Variants in ZNF385D observed in about 807,000 individuals in gnomAD.
The protein encoded by ZNF385D is zinc finger protein 659.
Under a neutral mutation model 35.8 loss-of-function variants are expected in ZNF385D, and 15 were observed. The observed-to-expected ratio is 0.42, with a 90% CI of 0.28 to 0.64. The LOEUF (loss-of-function observed/expected upper bound fraction) is 0.64, where lower values mean the gene tolerates loss of function less well. Among genes scored for constraint, ZNF385D ranks in the 30% least tolerant of loss-of-function variants. The pLI, the probability that ZNF385D is intolerant of heterozygous loss-of-function variation, is 0.23. For missense variants in ZNF385D, 474 were observed against 494.6 expected, an observed-to-expected ratio of 0.96 and a Z score of 0.39; for synonymous variants, 212 against 186.8, an observed-to-expected ratio of 1.13 and a Z score of -1.10.
At chr3:22,215,319 C>A (rs1406028126) in intron 2 of ZNF385D, among the ~76,000 whole-genome samples, 1 of 152,012 alleles carries the variant, frequency 6.6e-6, no homozygotes, top group African/African-American at 2.4e-5. Flanking sequence ...GTGAGCCAGG[C>A]AGAACAGAGC....
chr3:21,676,313 G>A (rs547981119), intron 1 of ZNF385D, among the ~76,000 whole-genome samples: 7 of 152,156 alleles, frequency 4.6e-5, no homozygotes, highest in South Asian at 4.1e-4. Context: ...CATTCCCTGC[G>A]GAGCTGACTT....
chr3:21,608,023 G>GTTTTTTTTGGTTTTTTT (rs2064543255), intron 2 of ZNF385D, among the ~76,000 whole-genome samples: 8 of 120,218 alleles, frequency 6.7e-5, no homozygotes, highest in Non-Finnish European at 1.2e-4. Flanking sequence ...TTTTTTTTTT[G>GTTTTTTTTGGTTTTTTT]TTTTTTTTTT....
At chr3:21,687,760 G>A (rs930562677) in intron 1 of ZNF385D, among the ~76,000 whole-genome samples, 1 of 152,006 alleles carries the variant, frequency 6.6e-6, no homozygotes, top group Admixed American at 6.6e-5. Flanking sequence ...AAATTCATAG[G>A]AAATAAATAT....
chr3:21,446,967 G>C (rs143408563), intron 4 of ZNF385D, among the ~76,000 whole-genome samples: 435 of 152,264 alleles, frequency 2.9e-3, no homozygotes, highest in African/African-American at 9.6e-3. Context: ...CTAAATTAGA[G>C]TTTGTATATT....
At chr3:22,334,417 A>T (rs941856561) in intron 2 of ZNF385D, among the ~76,000 whole-genome samples, 2 of 152,140 alleles carry the variant, frequency 1.3e-5, no homozygotes, top group Non-Finnish European at 2.9e-5. Flanking sequence ...TATATTTTTA[A>T]ATTCTGTGAT....
At chr3:22,052,934 G>A (rs1699347287) in intron 3 of ZNF385D, among the ~76,000 whole-genome samples, 1 of 59,948 alleles carries the variant, frequency 1.7e-5, no homozygotes, top group African/African-American at 6.5e-5. Context: ...AGTCTGCAGA[G>A]GTTACTGCTG....
chr3:21,608,959 T>C (rs1249463437), intron 2 of ZNF385D, among the ~76,000 whole-genome samples: 1 of 152,202 alleles, frequency 6.6e-6, no homozygotes, highest in Non-Finnish European at 1.5e-5. Context: ...ATGTTGTCAA[T>C]AATAAGTCAG....
intron 3 of ZNF385D, among the ~76,000 whole-genome samples, chr3:21,563,910 C>T (rs1439431793): frequency 6.6e-6 from 1 of 151,990 alleles, no homozygotes; most frequent in Non-Finnish European, 1.5e-5. Context: ...TGTGATGGAT[C>T]CAGAGTCCAC....
chr3:21,862,272 A>T (rs1697093611), intron 3 of ZNF385D, among the ~76,000 whole-genome samples: 1 of 151,398 alleles, frequency 6.6e-6, no homozygotes, highest in East Asian at 2.0e-4. Context: ...AATTCTAAGT[A>T]CTTGAGGCAG....
intron 3 of ZNF385D, among the ~76,000 whole-genome samples, chr3:21,891,015 A>G (rs1343616057): frequency 6.6e-6 from 1 of 152,202 alleles, no homozygotes; most frequent in Non-Finnish European, 1.5e-5. Flanking sequence ...AACTGGACTA[A>G]TACAGGTTTG....
intron 3 of ZNF385D, among the ~76,000 whole-genome samples, chr3:22,097,568 A>T (rs1701698968): frequency 6.6e-6 from 1 of 152,104 alleles, no homozygotes; most frequent in Non-Finnish European, 1.5e-5. Flanking sequence ...GAACATTGAA[A>T]GAGCAAAATG....
At chr3:21,627,557 A>G (rs1276078637) in intron 2 of ZNF385D, among the ~76,000 whole-genome samples, 1 of 152,100 alleles carries the variant, frequency 6.6e-6, no homozygotes, top group African/African-American at 2.4e-5. Context: ...CTGAAATTCT[A>G]TACTCCTCCT....
chr3:22,186,603 T>C (rs1305518485), intron 2 of ZNF385D, among the ~76,000 whole-genome samples: 1 of 152,014 alleles, frequency 6.6e-6, no homozygotes, highest in African/African-American at 2.4e-5. Flanking sequence ...CTGACTTTCC[T>C]TGTAAGTCTG....
intron 3 of ZNF385D, among the ~76,000 whole-genome samples, chr3:22,006,804 A>T (rs1696237781): frequency 6.6e-6 from 1 of 151,994 alleles, no homozygotes; most frequent in Non-Finnish European, 1.5e-5. Flanking sequence ...AAAACCAAAA[A>T]CTAAAAGGGA....
At chr3:22,156,195 C>G (rs888834239) in intron 3 of ZNF385D, among the ~76,000 whole-genome samples, 3 of 151,930 alleles carry the variant, frequency 2.0e-5, no homozygotes, top group African/African-American at 7.2e-5. Flanking sequence ...AAATTACCAC[C>G]ATATGAAGAC....
At chr3:21,427,276 T>C (rs1432676762) in intron 5 of ZNF385D, among the ~76,000 whole-genome samples, 1 of 152,218 alleles carries the variant, frequency 6.6e-6, no homozygotes, top group Non-Finnish European at 1.5e-5. Flanking sequence ...GATGATTTTA[T>C]ACAAAATGTT....
intron 2 of ZNF385D, among the ~76,000 whole-genome samples, chr3:21,617,180 A>G (rs1207590875): frequency 6.6e-6 from 1 of 152,176 alleles, no homozygotes; most frequent in African/African-American, 2.4e-5. Flanking sequence ...AAAGGTACAA[A>G]ATTTTCATTT....
intron 2 of ZNF385D, among the ~76,000 whole-genome samples, chr3:22,277,834 G>C (rs557318824): frequency 3.9e-4 from 59 of 152,080 alleles, no homozygotes; most frequent in Non-Finnish European, 7.2e-4. Flanking sequence ...CATGATGAAA[G>C]AGCGAGGATA....
intron 3 of ZNF385D, among the ~76,000 whole-genome samples, chr3:21,907,016 G>A (rs1699717150): frequency 6.6e-6 from 1 of 152,038 alleles, no homozygotes; most frequent in Admixed American, 6.6e-5. Flanking sequence ...CATCTACCCA[G>A]GATCCATGTC....
Sources: gnomAD v4.1 joint callset for allele counts (sites outside exome capture counted in the v4.1 genomes callset) on GRCh38, gnomAD v4.1.1 for gene constraint, MANE v1.5 for transcripts, NCBI Gene and HGNC (gene_info 2026-07-23, HGNC 2026-07-21) for gene names.